Variants in ST6GALNAC5 observed in about 807,000 individuals in gnomAD.
ST6GALNAC5 encodes the protein ST6 N-acetylgalactosaminide alpha-2,6-sialyltransferase 5.
Under a neutral mutation model 33.6 loss-of-function variants are expected in ST6GALNAC5, and 27 were observed. The observed-to-expected ratio is 0.80, with a 90% CI of 0.59 to 1.11. ST6GALNAC5 has a LOEUF of 1.11. ST6GALNAC5 is among the 50% of genes least tolerant of loss of function. ST6GALNAC5 has a pLI of 0.00. For synonymous variants in ST6GALNAC5, 194 were observed against 171.2 expected, an observed-to-expected ratio of 1.13 and a Z score of -1.04; for missense variants, 428 against 454.0, an observed-to-expected ratio of 0.94 and a Z score of 0.52.
intron 2 of ST6GALNAC5, among the ~76,000 whole-genome samples, chr1:76,969,822 C>T (rs767352752): frequency 6.6e-6 from 1 of 152,108 alleles, no homozygotes; most frequent in African/African-American, 2.4e-5. Context: ...TGGGACGAAG[C>T]TTCCAGAGGA....
chr1:76,958,161 G>A (rs536879919), intron 2 of ST6GALNAC5, among the ~76,000 whole-genome samples: 104 of 152,326 alleles, frequency 6.8e-4, no homozygotes, highest in African/African-American at 2.5e-3. Context: ...ACATGTGACA[G>A]CTTTGCTGGG....
chr1:77,031,132 C>T (rs1480830163), intron 2 of ST6GALNAC5, among the ~76,000 whole-genome samples: 1 of 152,188 alleles, frequency 6.6e-6, no homozygotes, highest in African/African-American at 2.4e-5. Flanking sequence ...GGCAAAGTCC[C>T]TCCCCAGTGG....
At chr1:77,015,186 G>A (rs543681948) in intron 2 of ST6GALNAC5, among the ~76,000 whole-genome samples, 6 of 152,128 alleles carry the variant, frequency 3.9e-5, no homozygotes, top group Non-Finnish European at 8.8e-5. Context: ...AGCCAGTAGG[G>A]TAAATCAGTC....
At chr1:76,960,825 A>G (rs1648203651) in intron 2 of ST6GALNAC5, among the ~76,000 whole-genome samples, 1 of 152,172 alleles carries the variant, frequency 6.6e-6, no homozygotes, top group Non-Finnish European at 1.5e-5. Flanking sequence ...TGTTTTCTGA[A>G]CGTTGCTGTT....
intron 2 of ST6GALNAC5, among the ~76,000 whole-genome samples, chr1:76,969,440 G>A (rs778990451): frequency 2.6e-5 from 4 of 152,174 alleles, no homozygotes; most frequent in Admixed American, 6.5e-5. Context: ...GCAGCAGTCT[G>A]AGATCAACCT....
Position 76,953,800 on chromosome 1 carries a change from A to C in ST6GALNAC5, c.261+85058A>C, listed in dbSNP as rs191149441. On this transcript the variant is annotated intron_variant, in intron 2 of 4. Coordinates refer to ENST00000477717, the MANE Select transcript of ST6GALNAC5 (RefSeq NM_030965.3). ...GAATTTTATATTTTCATTTAAATCC[A>C]TGATCCATTATGAATTAATTTTTCA... is the stretch of plus-strand genomic sequence containing the variant. 2.4e-3 allele frequency among the ~76,000 whole-genome samples: 369 copies of C among 152,250 alleles called. 3 individuals are homozygous for C. Among genetic ancestry groups the C allele is most frequent in the African/African-American group, 8.3e-3 (347 of 41,562 alleles).
chr1:76,922,697 T>C (rs1647045325), intron 2 of ST6GALNAC5, among the ~76,000 whole-genome samples: 1 of 152,102 alleles, frequency 6.6e-6, no homozygotes, highest in African/African-American at 2.4e-5. Flanking sequence ...ATACAACTGA[T>C]TTTTGACAAT....
intron 2 of ST6GALNAC5, among the ~76,000 whole-genome samples, chr1:76,899,266 G>T (rs1557714819): frequency 6.6e-6 from 1 of 152,018 alleles, no homozygotes; most frequent in Admixed American, 6.5e-5. Context: ...GTGAAAGCTT[G>T]CCCATAGTGA....
chr1:77,051,162 A>G (rs1397779968), intron 4 of ST6GALNAC5, among the ~76,000 whole-genome samples: 2 of 152,112 alleles, frequency 1.3e-5, no homozygotes, highest in East Asian at 1.9e-4. Context: ...TACTTATACT[A>G]TCTGGTGTTT....
chr1:76,880,177 T>A (rs1035361080), intron 2 of ST6GALNAC5, among the ~76,000 whole-genome samples: 5 of 152,182 alleles, frequency 3.3e-5, no homozygotes, highest in Non-Finnish European at 5.9e-5. Context: ...TTAGGTATAG[T>A]CACTAAACTC....
chr1:76,981,545 C>T (rs1276731286), intron 2 of ST6GALNAC5, among the ~76,000 whole-genome samples: 3 of 152,234 alleles, frequency 2.0e-5, no homozygotes, highest in South Asian at 2.1e-4. Flanking sequence ...CTAGACTCCA[C>T]CTCTGTGGGC....
chr1:76,896,464 G>A (rs936437820), intron 2 of ST6GALNAC5, among the ~76,000 whole-genome samples: 6 of 152,154 alleles, frequency 3.9e-5, no homozygotes, highest in African/African-American at 9.7e-5. Context: ...TCTAAGAGGC[G>A]GGCTAGTGGC....
rs35763299 is a variant in ST6GALNAC5, at chr1:77,044,323, C to G, written c.381C>G (p.Pro127=). 1.2e-6 allele frequency: 2 copies of G among 1,614,004 alleles called. No individual in the cohort carries two copies. The highest frequency in any genetic ancestry group is 4.5e-5 in the East Asian group (2 of 44,846). The part of the protein sequence containing the change: ...TECVIRMNDA[P]TRGYGRDVGN... ...GTGTCATCCGCATGAATGACGCCCC[C>G]ACACGCGGCTATGGGCGTGACGTGG... The change falls in exon 3 of 5, where the codon CCC becomes CCG. Residue 127 remains proline (P), a synonymous_variant. Coordinates refer to ENST00000477717, the MANE Select transcript of ST6GALNAC5 (RefSeq NM_030965.3).
At chr1:76,977,345 G>T (rs1272136044) in intron 2 of ST6GALNAC5, among the ~76,000 whole-genome samples, 2 of 151,974 alleles carry the variant, frequency 1.3e-5, no homozygotes, top group Non-Finnish European at 2.9e-5. Context: ...TCTTTTTGCT[G>T]TCTTGAAATG....
At chr1:77,054,687 G>A (rs1224938624) in intron 4 of ST6GALNAC5, among the ~76,000 whole-genome samples, 1 of 152,120 alleles carries the variant, frequency 6.6e-6, no homozygotes, top group Non-Finnish European at 1.5e-5. Flanking sequence ...AGCAATCCGT[G>A]AGTGCCTGAT....
At chr1:76,919,842 A>G (rs1158683852) in intron 2 of ST6GALNAC5, among the ~76,000 whole-genome samples, 2 of 152,202 alleles carry the variant, frequency 1.3e-5, no homozygotes, top group African/African-American at 4.8e-5. Flanking sequence ...CGCTAAAGTG[A>G]TGATGAGAAC....
chr1:76,909,507 T>C (rs975397662), intron 2 of ST6GALNAC5, among the ~76,000 whole-genome samples: 6 of 152,094 alleles, frequency 3.9e-5, no homozygotes, highest in African/African-American at 1.2e-4. Context: ...TAAGTTTCTT[T>C]GTGAAGACAT....
intron 2 of ST6GALNAC5, among the ~76,000 whole-genome samples, chr1:77,017,005 C>T (rs565994837): frequency 4.7e-4 from 72 of 151,936 alleles, no homozygotes; most frequent in Middle Eastern, 3.4e-3. Context: ...TTATGTGCTC[C>T]AAGTTCGGGT....
At chr1:76,902,138 C>A (rs1007987702) in intron 2 of ST6GALNAC5, among the ~76,000 whole-genome samples, 2 of 151,830 alleles carry the variant, frequency 1.3e-5, no homozygotes. Flanking sequence ...AAAGAATACA[C>A]CAAAAATTGT....
Sources: allele counts gnomAD v4.1 joint callset (sites outside exome capture counted in the v4.1 genomes callset), GRCh38; gene constraint gnomAD v4.1.1; transcripts MANE v1.5; gene names NCBI Gene and HGNC (gene_info 2026-07-23, HGNC 2026-07-21).